GRIK4: variants seen among roughly 807,000 people sequenced by gnomAD.
GRIK4 encodes glutamate ionotropic receptor kainate type subunit 4.
GRIK4 carries 40 observed loss-of-function variants against 104.9 expected under a neutral mutation model. The observed-to-expected ratio is 0.38, with a 90% confidence interval of 0.30 to 0.50. The LOEUF (loss-of-function observed/expected upper bound fraction) is 0.50, where lower values mean the gene tolerates loss of function less well. Ranked by LOEUF, GRIK4 falls within the 20% of genes least tolerant of loss-of-function variation. GRIK4 has a pLI of 0.93. For synonymous variants in GRIK4, 485 were observed against 524.9 expected (o/e 0.92, Z 1.04); for missense variants, 1,047 against 1,308.1 (o/e 0.80, Z 3.08).
intron 7 of GRIK4, among the ~76,000 whole-genome samples, chr11:120,832,903 G>A (rs1414269504): frequency 3.9e-5 from 6 of 152,178 alleles, no homozygotes; most frequent in Non-Finnish European, 7.3e-5. Flanking sequence ...AACGGGCCCC[G>A]TTTCCAGGCT....
chr11:120,717,419 G>A lies in GRIK4; in HGVS notation c.82+57019G>A, dbSNP rs909404022. On this transcript the variant is annotated intron_variant, in intron 3 of 20. Transcript: ENST00000527524. ...CCCTTGAACCTGCTCACAGGCGGATGAGCATGCCCAGGATCTGGCAGTGCT... is the reference window on the plus strand; with the variant it reads ...CCCTTGAACCTGCTCACAGGCGGATAAGCATGCCCAGGATCTGGCAGTGCT... Among the ~76,000 whole-genome samples, 3 of 152,174 alleles carry A rather than the reference G, an allele frequency of 2.0e-5. No individual in the cohort carries two copies. The East Asian group carries it at 5.8e-4, about 29-fold the overall frequency.
chr11:120,798,325 T>C (rs920074836), intron 3 of GRIK4, among the ~76,000 whole-genome samples: 1 of 151,642 alleles, frequency 6.6e-6, no homozygotes, highest in Non-Finnish European at 1.5e-5. Context: ...CACCTGGCTA[T>C]TTTTTGTATT....
At chr11:120,569,141 C>T (rs574248073) in intron 1 of GRIK4, among the ~76,000 whole-genome samples, 93 of 152,246 alleles carry the variant, frequency 6.1e-4, no homozygotes, top group Non-Finnish European at 7.4e-4. Context: ...GGTCTATGCC[C>T]GGGGCATCTG....
intron 1 of GRIK4, among the ~76,000 whole-genome samples, chr11:120,642,313 A>G (rs984992858): frequency 6.6e-6 from 1 of 152,110 alleles, no homozygotes; most frequent in African/African-American, 2.4e-5. Context: ...CCTGGGCAAG[A>G]TGGAGTAAGA....
intron 9 of GRIK4, among the ~76,000 whole-genome samples, chr11:120,862,462 T>C (rs913446901): frequency 7.9e-5 from 12 of 152,076 alleles, no homozygotes; most frequent in African/African-American, 2.9e-4. Flanking sequence ...GCTGATCTGC[T>C]CCCTCATTTT....
At chr11:120,694,887 C>G (rs1397665039) in intron 3 of GRIK4, among the ~76,000 whole-genome samples, 1 of 152,188 alleles carries the variant, frequency 6.6e-6, no homozygotes, top group African/African-American at 2.4e-5. Context: ...AACACTGCAG[C>G]CCGTAACACT....
intron 1 of GRIK4, among the ~76,000 whole-genome samples, chr11:120,575,600 T>C (rs142278702): frequency 4.1e-4 from 63 of 152,192 alleles, no homozygotes; most frequent in Non-Finnish European, 7.2e-4. Context: ...GTTTGGGGCA[T>C]GTGCCTCACA....
intron 3 of GRIK4, among the ~76,000 whole-genome samples, chr11:120,701,951 CTTTTT>C (rs34068640): frequency 0.033 from 2,992 of 92,022 alleles, 83 homozygotes; most frequent in East Asian, 0.16. Context: ...TGATTCCAAG[CTTTTT>C]TTTTTTTTTT....
chr11:120,636,313 G>A (rs545844809), intron 1 of GRIK4, among the ~76,000 whole-genome samples: 3 of 152,280 alleles, frequency 2.0e-5, no homozygotes, highest in Non-Finnish European at 4.4e-5. Context: ...GAGCATGAGT[G>A]CCCCTCCTTT....
At chr11:120,788,900 T>A (rs1952342002) in intron 3 of GRIK4, among the ~76,000 whole-genome samples, 1 of 151,898 alleles carries the variant, frequency 6.6e-6, no homozygotes, top group African/African-American at 2.4e-5. Context: ...GCCTAACCTC[T>A]CCCCTGGAAG....
intron 1 of GRIK4, among the ~76,000 whole-genome samples, chr11:120,594,657 G>A (rs1049017285): frequency 5.3e-5 from 8 of 152,130 alleles, no homozygotes; most frequent in African/African-American, 1.7e-4. Flanking sequence ...GTCAGCAGAA[G>A]CCTGATTTTG....
chr11:120,918,901 T>A (rs952121749), intron 13 of GRIK4, among the ~76,000 whole-genome samples: 3 of 152,224 alleles, frequency 2.0e-5, no homozygotes, highest in Non-Finnish European at 1.5e-5. Context: ...TTATCATGCA[T>A]CATTTCCTCT....
intron 1 of GRIK4, among the ~76,000 whole-genome samples, chr11:120,601,300 G>A (rs1948883132): frequency 6.6e-6 from 1 of 152,096 alleles, no homozygotes. Flanking sequence ...CAGCTACTGG[G>A]GAGGCTGAGG....
At chr11:120,587,597 T>G (rs1948683870) in intron 1 of GRIK4, among the ~76,000 whole-genome samples, 1 of 152,232 alleles carries the variant, frequency 6.6e-6, no homozygotes. Context: ...ATGGGCATGT[T>G]AAGGTGCTTG....
chr11:120,799,794 T>G (rs936119457), intron 3 of GRIK4, among the ~76,000 whole-genome samples: 2 of 152,230 alleles, frequency 1.3e-5, no homozygotes, highest in African/African-American at 4.8e-5. Context: ...TGCCAGTTCC[T>G]GATACTTTAG....
At position 120,675,759 on chromosome 11, in the gene GRIK4, T is replaced by C. The variant is rs1950090304; in HGVS notation, c.82+15359T>C. ...GGATAATAATACTCACCTTATAGAA[T>C]TGTTGAGGTTTACATGAGCTAATGT... On this transcript the variant is annotated intron_variant, in intron 3 of 20. Coordinates refer to ENST00000527524, the MANE Select transcript of GRIK4 (RefSeq NM_014619.5). 2.6e-5 allele frequency among the ~76,000 whole-genome samples: 4 copies of C among 152,122 alleles called. No homozygotes were observed. In the South Asian group the frequency reaches 8.3e-4, roughly 32 times the overall value.
intron 7 of GRIK4, among the ~76,000 whole-genome samples, 197 bp from the exon 8 acceptor site, chr11:120,836,594 C>G (rs908705584): frequency 2.0e-5 from 3 of 152,126 alleles, no homozygotes; most frequent in African/African-American, 7.2e-5. Context: ...TGGAGAGACC[C>G]CGCTCTTGAG....
chr11:120,539,032 G>C lies in GRIK4; in HGVS notation c.-159+27145G>C, dbSNP rs565964796. Among the ~76,000 whole-genome samples, 2 of 152,230 alleles carry C rather than the reference G, an allele frequency of 1.3e-5. 1 individual carries two copies. Among genetic ancestry groups the C allele is most frequent in the South Asian group, 4.1e-4 (2 of 4,826 alleles). Reference sequence around the variant, plus strand: ...CCAAAGCTTCTTGGGTGTACCCAAGGCCAGGGCCACCTCCAAAGCAAGTGA... The same window carrying C: ...CCAAAGCTTCTTGGGTGTACCCAAGCCCAGGGCCACCTCCAAAGCAAGTGA... On this transcript the variant is annotated intron_variant, in intron 1 of 20. Coordinates refer to ENST00000527524, the MANE Select transcript of GRIK4 (RefSeq NM_014619.5).
chr11:120,955,317 AC>A (rs1944116965), intron 15 of GRIK4, among the ~76,000 whole-genome samples: 1 of 152,192 alleles, frequency 6.6e-6, no homozygotes, highest in African/African-American at 2.4e-5. Flanking sequence ...AGGTCAAAGG[AC>A]CAATGCTGAG....
Sources: gnomAD v4.1 joint callset for allele counts (sites outside exome capture counted in the v4.1 genomes callset) on GRCh38, gnomAD v4.1.1 for gene constraint, MANE v1.5 for transcripts, NCBI Gene and HGNC (gene_info 2026-07-23, HGNC 2026-07-21) for gene names.